The following HSPA2 variants were observed in gnomAD, a reference collection of about 807,000 sequenced individuals.
HSPA2 encodes the protein heat shock-related 70 kDa protein 2.
In HSPA2, 13 loss-of-function variants were observed where a neutral mutation model predicts 35.0. The ratio of observed to expected loss-of-function variants is 0.37; its 90% CI spans 0.24 to 0.59. The LOEUF is 0.59. Among genes scored for constraint, HSPA2 ranks in the 20% least tolerant of loss-of-function variants. The probability of loss-of-function intolerance (pLI) is 0.70; values close to 1 mark genes in which losing one functional copy is unlikely to be tolerated. For missense variants in HSPA2, 565 were observed against 885.4 expected, an observed-to-expected ratio of 0.64 and a Z score of 4.59; for synonymous variants, 368 against 382.1, an observed-to-expected ratio of 0.96 and a Z score of 0.43.
upstream of HSPA2, among the ~76,000 whole-genome samples, chr14:64,537,298 GAAAGA>G (rs1205351968): frequency 4.0e-5 from 6 of 151,850 alleles, no homozygotes; most frequent in East Asian, 1.2e-3. Flanking sequence ...GAAAGAAAGA[GAAAGA>G]AAAGAAAAGA....
chr14:64,541,887 C>G lies in HSPA2; in HGVS notation c.1038C>G (p.Ile346Met). Residue 346 changes from isoleucine (I) to methionine (M), a missense_variant, in exon 1 of 1, where the codon ATC becomes ATG. This residue lies in a region of HSPA2 where 234 missense variants were observed against 419.0 expected (regional missense o/e 0.56). Transcript: ENST00000247207. The part of the protein sequence containing the change: ...EIVLVGGSTR[I>M]PKIQKLLQDF... ...TGCTGGTGGGCGGCTCCACTCGTAT[C>G]CCCAAGATCCAGAAGCTGCTGCAGG... 1 of 1,613,590 alleles carries G rather than the reference C, an allele frequency of 6.2e-7. No homozygotes were observed. Among genetic ancestry groups the G allele is most frequent in the Non-Finnish European group, 8.5e-7 (1 of 1,180,034 alleles).
chr14:64,539,585 C>G (rs2080007285), upstream of HSPA2, among the ~76,000 whole-genome samples: 1 of 152,240 alleles, frequency 6.6e-6, no homozygotes, highest in African/African-American at 2.4e-5. Flanking sequence ...CGCCGCCACA[C>G]CCCTGTCTGC....
rs2080023583 is a variant in HSPA2, at chr14:64,540,905, T to C, written c.56T>C (p.Val19Ala). The change falls in exon 1 of 1, where the codon GTC becomes GCC. Residue 19 changes from valine to alanine, a missense_variant. Around this residue, in one of 4 missense-constraint regions of HSPA2, gnomAD observed 183 missense variants for 281.6 expected, o/e 0.65. Coordinates refer to ENST00000247207, the MANE Select transcript of HSPA2 (RefSeq NM_021979.4). ...GIDLGTTYSC[V>A]GVFQHGKVEI... ...GACCTGGGCACCACCTATTCGTGCGTCGGGGTCTTCCAACATGGCAAGGTG... is the reference window on the plus strand; with the variant it reads ...GACCTGGGCACCACCTATTCGTGCGCCGGGGTCTTCCAACATGGCAAGGTG... 1 of 1,614,120 alleles carries C rather than the reference T, an allele frequency of 6.2e-7. No homozygotes were observed. The highest frequency in any genetic ancestry group is 1.1e-5 in the South Asian group (1 of 91,078).
chr14:64,537,458 G>A (rs781556870), upstream of HSPA2, among the ~76,000 whole-genome samples: 1 of 151,894 alleles, frequency 6.6e-6, no homozygotes, highest in Non-Finnish European at 1.5e-5. Context: ...TGGACGTGCT[G>A]GTGCACATAA....
Position 64,541,503 on chromosome 14 carries a change from C to T in HSPA2, c.654C>T (p.Gly218=), listed in dbSNP as rs2080031038. 1 of 1,609,006 alleles carries T rather than the reference C, an allele frequency of 6.2e-7. No individual in the cohort carries two copies. Among genetic ancestry groups the T allele is most frequent in the Non-Finnish European group, 8.5e-7 (1 of 1,176,098 alleles). ...TGTCCATCCTGACCATCGAGGATGGCATCTTCGAGGTGAAGTCCACGGCCG... is the reference window on the plus strand; with the variant it reads ...TGTCCATCCTGACCATCGAGGATGGTATCTTCGAGGTGAAGTCCACGGCCG... ...FDVSILTIED[G]IFEVKSTAGD... The change falls in exon 1 of 1, where the codon GGC becomes GGT. Residue 218 remains glycine (G), a synonymous_variant. Coordinates refer to ENST00000247207, the MANE Select transcript of HSPA2 (RefSeq NM_021979.4).
chr14:64,542,843 G>A lies in HSPA2; in HGVS notation c.*74G>A, dbSNP rs1157522394. 6.7e-7 allele frequency: 1 copy of A among 1,485,264 alleles called. No individual in the cohort carries two copies. The highest frequency in any genetic ancestry group is 1.4e-5 in the African/African-American group (1 of 70,364). 92.0% of individuals were successfully genotyped at this position (1,485,264 alleles called of 1,614,324 possible). ...TTTTTTTTGTTTGTTTCTTTGAAAT[G>A]TCCTTGTGCCAAGTACGAGATCTAT... On this transcript the variant is annotated 3_prime_UTR_variant, in exon 1 of 1. Transcript: ENST00000247207. The surrounding 1 kb of genome is among the most constrained non-coding windows in gnomAD (Gnocchi z 5.7).
chr14:64,538,348 CA>C (rs1193975928), upstream of HSPA2, among the ~76,000 whole-genome samples: 1 of 152,176 alleles, frequency 6.6e-6, no homozygotes, highest in Non-Finnish European at 1.5e-5. Context: ...GCTCCCAGCC[CA>C]AAGCCTCAGG....
upstream of HSPA2, among the ~76,000 whole-genome samples, chr14:64,538,769 G>C (rs1360767199): frequency 2.6e-5 from 4 of 152,224 alleles, no homozygotes; most frequent in Middle Eastern, 3.2e-3. Flanking sequence ...AAGCTTGATG[G>C]AAGGACTTCC....
rs2080033636 is a variant in HSPA2, at chr14:64,541,691, C to A, written c.842C>A (p.Thr281Lys). ...ERAKRTLSSS[T>K]QASIEIDSLY... is the part of the protein sequence containing the mutation. ...GCCAAGCGCACCCTGAGCTCGTCCACGCAGGCGAGCATCGAGATCGACTCG... is the reference window on the plus strand; with the variant it reads ...GCCAAGCGCACCCTGAGCTCGTCCAAGCAGGCGAGCATCGAGATCGACTCG... Residue 281 changes from threonine to lysine, a missense_variant, in exon 1 of 1, where the codon ACG (threonine) becomes AAG (lysine). Thr to Lys is a moderately conservative substitution (Grantham distance 78). Around this residue, in one of 4 missense-constraint regions of HSPA2, gnomAD observed 234 missense variants for 419.0 expected, o/e 0.56. Coordinates refer to ENST00000247207, the MANE Select transcript of HSPA2 (RefSeq NM_021979.4). 1.9e-6 allele frequency: 3 copies of A among 1,611,922 alleles called. No individual in the cohort carries two copies. The highest frequency in any genetic ancestry group is 2.5e-6 in the Non-Finnish European group (3 of 1,179,666).
chr14:64,541,252 T>C lies in HSPA2; in HGVS notation c.403T>C (p.Tyr135His), dbSNP rs747119450. Reference protein sequence around the residue: ...LTKMKEIAEAYLGGKVHSAVI... With the variant: ...LTKMKEIAEAHLGGKVHSAVI... ...GAAGATGAAGGAGATCGCGGAAGCC[T>C]ACCTGGGGGGCAAGGTGCACAGCGC... The change falls in exon 1 of 1, where the codon TAC becomes CAC. Residue 135 changes from tyrosine (Y) to histidine (H), a missense_variant. Coordinates refer to ENST00000247207, the MANE Select transcript of HSPA2 (RefSeq NM_021979.4). 6.2e-7 allele frequency: 1 copy of C among 1,614,004 alleles called. No homozygotes were observed. The highest frequency in any genetic ancestry group is 2.2e-5 in the East Asian group (1 of 44,876).
At position 64,540,853 on chromosome 14, in the gene HSPA2, T is replaced by A; in HGVS notation, c.4T>A (p.Ser2Thr). M[S>T]ARGPAIGIDL... ...CGTCGCTCGCCTTTCAGTCAGGATG[T>A]CTGCCCGTGGCCCGGCTATCGGCAT... The change falls in exon 1 of 1, where the codon TCT becomes ACT. Residue 2 changes from serine (S) to threonine (T), a missense_variant. By Grantham distance (58) the Ser-to-Thr change is moderately conservative. Transcript: ENST00000247207. The A allele has an allele frequency of 6.2e-7, 1 of 1,613,988 alleles. No homozygotes were observed. Among genetic ancestry groups the A allele is most frequent in the Non-Finnish European group, 8.5e-7 (1 of 1,179,942 alleles).
rs556559367 is a variant in HSPA2, at chr14:64,542,438, C to T, written c.1589C>T (p.Ser530Leu). 9.3e-6 allele frequency: 15 copies of T among 1,613,796 alleles called. No homozygotes were observed. In the South Asian group the frequency reaches 1.6e-4, roughly 18 times the overall value. ...RMVQEAERYK[S>L]EDEANRDRVA... ...GTGCAGGAGGCGGAGCGGTACAAATCGGAAGATGAGGCGAATCGCGACCGA... is the reference window on the plus strand; with the variant it reads ...GTGCAGGAGGCGGAGCGGTACAAATTGGAAGATGAGGCGAATCGCGACCGA... The change falls in exon 1 of 1, where the codon TCG becomes TTG. Residue 530 changes from serine to leucine, a missense_variant. Physicochemically the swap from Ser to Leu is moderately radical, Grantham distance 145 (BLOSUM62 -2). This residue lies in a region of HSPA2 where 147 missense variants were observed against 166.7 expected (regional missense o/e 0.88). Coordinates refer to ENST00000247207, the MANE Select transcript of HSPA2 (RefSeq NM_021979.4). This position sits in a 1 kb window ranked among gnomAD's most constrained non-coding sequence, Gnocchi z 5.7.
chr14:64,540,116 C>G (rs1204535251), upstream of HSPA2, among the ~76,000 whole-genome samples: 15 of 152,270 alleles, frequency 9.9e-5, no homozygotes, highest in South Asian at 1.7e-3. Context: ...GCCCTCACCC[C>G]CCACCCCAGC....
upstream of HSPA2, among the ~76,000 whole-genome samples, chr14:64,537,472 AC>A (rs1444742441): frequency 6.6e-6 from 1 of 151,664 alleles, no homozygotes; most frequent in Non-Finnish European, 1.5e-5. Flanking sequence ...CACATAAGTA[AC>A]CCAGCTATCT....
At chr14:64,539,147 C>G (rs1253749460), upstream of HSPA2, among the ~76,000 whole-genome samples, 1 of 152,138 alleles carries the variant, frequency 6.6e-6, no homozygotes, top group Non-Finnish European at 1.5e-5. Context: ...AAGATTATTA[C>G]CTGGTGCCAG....
rs772605956 is a variant in HSPA2, at chr14:64,541,500, T to C, written c.651T>C (p.Asp217=). ...ACGTGTCCATCCTGACCATCGAGGATGGCATCTTCGAGGTGAAGTCCACGG... is the reference window on the plus strand; with the variant it reads ...ACGTGTCCATCCTGACCATCGAGGACGGCATCTTCGAGGTGAAGTCCACGG... ...TFDVSILTIE[D]GIFEVKSTAG... Residue 217 remains aspartate, a synonymous_variant, in exon 1 of 1, where the codon GAT becomes GAC. Coordinates refer to ENST00000247207, the MANE Select transcript of HSPA2 (RefSeq NM_021979.4). The C allele has an allele frequency of 7.3e-5, 117 of 1,608,890 alleles. No individual in the cohort carries two copies. The highest frequency in any genetic ancestry group is 9.4e-5 in the Non-Finnish European group (111 of 1,176,018).
rs143579986 is a variant in HSPA2 at position 64,541,180 on chromosome 14, G to C, written c.331G>C (p.Glu111Gln). The change falls in exon 1 of 1, where the codon GAG (glutamate) becomes CAG (glutamine). Residue 111 changes from glutamate to glutamine, a missense_variant. By Grantham distance (29) the Glu-to-Gln change is conservative (BLOSUM62 2). Transcript: ENST00000247207. ...KPKVQVEYKG[E>Q]TKTFFPEEIS... ...CAAAGTGCAAGTAGAGTACAAGGGG[G>C]AGACCAAGACCTTCTTCCCAGAGGA... 5.8e-5 allele frequency: 94 copies of C among 1,614,230 alleles called. No homozygotes were observed. In the African/African-American group the frequency reaches 1.2e-3, roughly 21 times the overall value.
Position 64,542,326 on chromosome 14 carries a change from G to A in HSPA2, c.1477G>A (p.Ala493Thr), listed in dbSNP as rs769297658. 2 of 1,613,908 alleles carry A rather than the reference G, an allele frequency of 1.2e-6. No individual in the cohort carries two copies. The highest frequency in any genetic ancestry group is 2.2e-5 in the East Asian group (1 of 44,842). Residue 493 changes from alanine to threonine, a missense_variant, in exon 1 of 1, where the codon GCC becomes ACC. Ala to Thr is a moderately conservative substitution (Grantham distance 58). Coordinates refer to ENST00000247207, the MANE Select transcript of HSPA2 (RefSeq NM_021979.4). The surrounding 1 kb of genome is among the most constrained non-coding windows in gnomAD (Gnocchi z 5.7). Reference sequence around the variant, plus strand: ...CGCCAATGGCATCCTTAACGTTACCGCCGCCGACAAGAGCACCGGTAAGGA... The same window carrying A: ...CGCCAATGGCATCCTTAACGTTACCACCGCCGACAAGAGCACCGGTAAGGA... ...IDANGILNVT[A>T]ADKSTGKENK...
chr14:64,537,746 TAGAC>T (rs2079990413), upstream of HSPA2, among the ~76,000 whole-genome samples: 1 of 140,828 alleles, frequency 7.1e-6, no homozygotes, highest in Non-Finnish European at 1.5e-5. Flanking sequence ...TTTTTTTTTT[TAGAC>T]AGAGTCTTGC....
Sources: gnomAD v4.1 joint callset for allele counts (sites outside exome capture counted in the v4.1 genomes callset) on GRCh38, gnomAD v4.1.1 for gene constraint, gnomAD v4.1.1 regional missense constraint, Gnocchi (gnomAD v3.1) non-coding constraint, MANE v1.5 for transcripts, NCBI Gene and HGNC (gene_info 2026-07-23, HGNC 2026-07-21) for gene names.